KCNJ6: variants seen among roughly 807,000 people sequenced by gnomAD.
KCNJ6 encodes potassium inwardly rectifying channel subfamily J member 6.
KCNJ6 carries 9 observed loss-of-function variants against 34.2 expected under a neutral mutation model. The observed-to-expected ratio is 0.26, with a 90% confidence interval of 0.16 to 0.46. KCNJ6 has a LOEUF of 0.46. Among genes scored for constraint, KCNJ6 ranks in the 20% least tolerant of loss-of-function variants. KCNJ6 has a pLI of 1.00. For missense variants in KCNJ6, 236 were observed against 531.3 expected (o/e 0.44, Z 5.46); for synonymous variants, 196 against 207.1 (o/e 0.95, Z 0.46).
intron 3 of KCNJ6, among the ~76,000 whole-genome samples, chr21:37,708,179 C>T (rs1601429332): frequency 1.3e-5 from 2 of 152,092 alleles, no homozygotes; most frequent in East Asian, 3.9e-4. Flanking sequence ...TATATGGTGA[C>T]CTTGACTCCT....
chr21:37,613,977 G>C lies in KCNJ6; in HGVS notation c.*11182C>G, dbSNP rs533681281. 1 of 152,168 alleles carries C rather than the reference G, an allele frequency of 6.6e-6. No individual in the cohort carries two copies. The highest frequency in any genetic ancestry group is 1.5e-5 in the Non-Finnish European group (1 of 68,066). The allele number at this position is 152,168 out of a possible 1,614,324, so 9.4% of individuals were successfully genotyped here. Reference sequence around the variant, plus strand: ...ACCATTGTGGTTTGGCATATCACTCGTGGGGGCGGCCATGCATGCGGGGGC... The same window carrying C: ...ACCATTGTGGTTTGGCATATCACTCCTGGGGGCGGCCATGCATGCGGGGGC... On this transcript the variant is annotated 3_prime_UTR_variant, in exon 4 of 4. Coordinates refer to ENST00000609713, the MANE Select transcript of KCNJ6 (RefSeq NM_002240.5).
At chr21:37,777,830 T>C (rs2055149433) in intron 2 of KCNJ6, among the ~76,000 whole-genome samples, 1 of 152,174 alleles carries the variant, frequency 6.6e-6, no homozygotes, top group East Asian at 1.9e-4. Flanking sequence ...AAAAAGGTGC[T>C]TTGTGCGTGC....
chr21:37,846,777 T>C (rs1390554988), intron 1 of KCNJ6, among the ~76,000 whole-genome samples: 1 of 152,160 alleles, frequency 6.6e-6, no homozygotes, highest in Admixed American at 6.5e-5. Flanking sequence ...TTTATGAACT[T>C]AGTATCCTCA....
intron 2 of KCNJ6, among the ~76,000 whole-genome samples, chr21:37,728,593 G>T (rs2054867443): frequency 6.6e-6 from 1 of 152,090 alleles, no homozygotes; most frequent in African/African-American, 2.4e-5. Context: ...GCTCCAGACT[G>T]AAAAATGGTG....
At chr21:37,844,339 G>A (rs1023953965) in intron 1 of KCNJ6, among the ~76,000 whole-genome samples, 2 of 152,064 alleles carry the variant, frequency 1.3e-5, no homozygotes, top group Non-Finnish European at 2.9e-5. Flanking sequence ...ATTACAGGCT[G>A]AGCCACCGTG....
chr21:37,882,638 C>G (rs1234599028), intron 1 of KCNJ6, among the ~76,000 whole-genome samples: 1 of 152,192 alleles, frequency 6.6e-6, no homozygotes, highest in Non-Finnish European at 1.5e-5. Context: ...AGAGGTAAGG[C>G]TTGTGAGAAT....
At chr21:37,874,460 G>A (rs2055667746) in intron 1 of KCNJ6, among the ~76,000 whole-genome samples, 1 of 152,134 alleles carries the variant, frequency 6.6e-6, no homozygotes, top group South Asian at 2.1e-4. Flanking sequence ...TTCTCCATTT[G>A]GATGTCTAAT....
intron 1 of KCNJ6, among the ~76,000 whole-genome samples, chr21:37,844,136 A>G (rs937877503): frequency 4.7e-5 from 7 of 149,874 alleles, no homozygotes; most frequent in Admixed American, 2.0e-4. Context: ...TCCGCTCACT[A>G]CAACCTCCGC....
chr21:37,620,396 T>C lies in KCNJ6; in HGVS notation c.*4763A>G, dbSNP rs1371458969. ...GGCTGTGGCTGTGTTCCAATAAAAC[T>C]TTGTTTGTGGACATTGAAATTTGAA... On this transcript the variant is annotated 3_prime_UTR_variant, in exon 4 of 4. Coordinates refer to ENST00000609713, the MANE Select transcript of KCNJ6 (RefSeq NM_002240.5). 1 of 152,186 alleles carries C rather than the reference T, an allele frequency of 6.6e-6. No homozygotes were observed. Among genetic ancestry groups the C allele is most frequent in the East Asian group, 1.9e-4 (1 of 5,202 alleles). The allele number at this position is 152,186 out of a possible 1,614,324, so 9.4% of individuals were successfully genotyped here. A position where few individuals can be genotyped will look rare whatever the true frequency, so the allele number is the denominator to read the frequency against.
intron 3 of KCNJ6, among the ~76,000 whole-genome samples, chr21:37,627,301 C>A (rs1466776414): frequency 6.6e-6 from 1 of 152,106 alleles, no homozygotes; most frequent in Non-Finnish European, 1.5e-5. Context: ...CCTGAATGAC[C>A]CACAGAAGCC....
intron 1 of KCNJ6, among the ~76,000 whole-genome samples, chr21:37,860,116 G>A (rs1202887264): frequency 6.6e-6 from 1 of 152,134 alleles, no homozygotes; most frequent in African/African-American, 2.4e-5. Context: ...CTTTGCTCCT[G>A]TTCTTCCCCA....
chr21:37,716,695 A>G (rs1385961694), intron 2 of KCNJ6, among the ~76,000 whole-genome samples: 5 of 152,130 alleles, frequency 3.3e-5, no homozygotes, highest in Non-Finnish European at 7.4e-5. Flanking sequence ...GTTGTTTCTT[A>G]TGGCTTTCAT....
chr21:37,897,823 T>A (rs1417274984), intron 1 of KCNJ6, among the ~76,000 whole-genome samples: 1 of 152,220 alleles, frequency 6.6e-6, no homozygotes, highest in Non-Finnish European at 1.5e-5. Context: ...CTGTACCACC[T>A]GTTAGTATAA....
chr21:37,884,945 T>C (rs2055728004), intron 1 of KCNJ6, among the ~76,000 whole-genome samples: 1 of 152,236 alleles, frequency 6.6e-6, no homozygotes, highest in South Asian at 2.1e-4. Context: ...TCTGCCTCCT[T>C]TGCCTTCAAT....
Position 37,695,884 on chromosome 21 carries a change from G to GA in KCNJ6, c.946+18326dup, listed in dbSNP as rs1293967377. Among the ~76,000 whole-genome samples the GA allele has an allele frequency of 6.6e-6, 1 of 152,066 alleles. No homozygotes were observed. The highest frequency in any genetic ancestry group is 1.5e-5 in the Non-Finnish European group (1 of 67,984). On this transcript the variant is annotated intron_variant, in intron 3 of 3. Transcript: ENST00000609713. The surrounding 1 kb of genome is among the most constrained non-coding windows in gnomAD (Gnocchi z 4.2). ...GAGCCTGTAACATCTTTTTGTGCCA[G>GA]AAAAAAGGAAGAACACACAAAATGA...
At position 37,714,230 on chromosome 21, in the gene KCNJ6, T is replaced by C; in HGVS notation, c.927A>G (p.Glu309=). ...TCTTACCTGTGGCTTCCACCATTCC[T>C]TCTAGGATGACCACAATTTCCAGTT... is the stretch of plus-strand genomic sequence containing the variant. The part of the protein sequence containing the change: ...KEELEIVVIL[E]GMVEATGMTC... The change falls in exon 3 of 4, where the codon GAA becomes GAG. Residue 309 remains glutamate, a synonymous_variant. Coordinates refer to ENST00000609713, the MANE Select transcript of KCNJ6 (RefSeq NM_002240.5). The surrounding 1 kb of genome is among the most constrained non-coding windows in gnomAD (Gnocchi z 5.9). 1 of 1,613,576 alleles carries C rather than the reference T, an allele frequency of 6.2e-7. No homozygotes were observed. Among genetic ancestry groups the C allele is most frequent in the Non-Finnish European group, 8.5e-7 (1 of 1,179,618 alleles).
intron 2 of KCNJ6, among the ~76,000 whole-genome samples, chr21:37,783,198 C>A (rs1337279214): frequency 6.6e-6 from 1 of 152,166 alleles, no homozygotes; most frequent in South Asian, 2.1e-4. Flanking sequence ...CCTTGATGCA[C>A]GCTGAGGGAG....
intron 3 of KCNJ6, among the ~76,000 whole-genome samples, chr21:37,639,334 C>G (rs563746747): frequency 6.6e-6 from 1 of 152,312 alleles, no homozygotes; most frequent in South Asian, 2.1e-4. Flanking sequence ...CAACTACAAA[C>G]CTCTGAGGTA....
At position 37,617,032 on chromosome 21, in the gene KCNJ6, CTT is replaced by C. The variant is rs369797736; in HGVS notation, c.*8125_*8126del. The C allele has an allele frequency of 1.3e-4, 2 of 15,706 alleles. No homozygotes were observed. Among genetic ancestry groups the C allele is most frequent in the Non-Finnish European group, 2.9e-4 (2 of 6,958 alleles). 1.0% of individuals were successfully genotyped at this position (15,706 alleles called of 1,614,324 possible). On this transcript the variant is annotated 3_prime_UTR_variant, in exon 4 of 4. Coordinates refer to ENST00000609713, the MANE Select transcript of KCNJ6 (RefSeq NM_002240.5). Reference sequence around the variant, plus strand: ...TTTCTCTTTCTTTCTTTCTTTCTTTCTTTCTTTCTTTCTTTCTTTCTTTTCTT... The same window carrying C: ...TTTCTCTTTCTTTCTTTCTTTCTTTCTCTTTCTTTCTTTCTTTCTTTTCTT...
Sources: allele counts gnomAD v4.1 joint callset (sites outside exome capture counted in the v4.1 genomes callset), GRCh38; gene constraint gnomAD v4.1.1; non-coding constraint Gnocchi (gnomAD v3.1); transcripts MANE v1.5; gene names NCBI Gene and HGNC (gene_info 2026-07-23, HGNC 2026-07-21).